The following ACAP2 variants were observed in gnomAD, a reference collection of about 807,000 sequenced individuals.
ACAP2 encodes the protein ArfGAP with coiled-coil, ankyrin repeat and PH domains 2.
ACAP2 carries 39 observed loss-of-function variants against 115.8 expected under a neutral mutation model. That is an observed-to-expected ratio of 0.34 (90% CI 0.26 to 0.44). The LOEUF (loss-of-function observed/expected upper bound fraction) is 0.44. ACAP2 is among the 20% of genes least tolerant of loss of function. The pLI is 1.00. For synonymous variants in ACAP2, 289 were observed against 315.8 expected (o/e 0.92, Z 0.90); for missense variants, 662 against 927.6 (o/e 0.71, Z 3.72).
At chr3:195,427,119 A>G (rs977300596) in intron 1 of ACAP2, among the ~76,000 whole-genome samples, 15 of 152,238 alleles carry the variant, frequency 9.9e-5, no homozygotes, top group African/African-American at 3.6e-4. Context: ...AAGAGGGAGT[A>G]TCACAACCAC....
chr3:195,389,199 C>G (rs1207624172), intron 2 of ACAP2, among the ~76,000 whole-genome samples: 1 of 151,994 alleles, frequency 6.6e-6, no homozygotes, highest in Non-Finnish European at 1.5e-5. Context: ...GCTTATAGTT[C>G]TTAGCACTCA....
chr3:195,398,068 C>T (rs780574718), intron 1 of ACAP2, among the ~76,000 whole-genome samples: 7 of 152,192 alleles, frequency 4.6e-5, no homozygotes, highest in Non-Finnish European at 1.0e-4. Context: ...AAAGATCACA[C>T]GTCAAATACA....
chr3:195,353,950 T>C (rs1272232125), intron 4 of ACAP2, among the ~76,000 whole-genome samples: 1 of 152,208 alleles, frequency 6.6e-6, no homozygotes, highest in Non-Finnish European at 1.5e-5. Context: ...GTATTACACC[T>C]ACTATCCATT....
chr3:195,430,741 GA>G, intron 1 of ACAP2, among the ~76,000 whole-genome samples: 1 of 152,004 alleles, frequency 6.6e-6, no homozygotes, highest in East Asian at 1.9e-4. Context: ...ATCATATGGG[GA>G]AACAAGGGGC....
At chr3:195,327,741 C>T (rs1350472661) in intron 8 of ACAP2, among the ~76,000 whole-genome samples, 1 of 151,970 alleles carries the variant, frequency 6.6e-6, no homozygotes, top group Non-Finnish European at 1.5e-5. Context: ...AACAGCCTGG[C>T]CAACATAGAG....
At chr3:195,404,324 T>C (rs956376882) in intron 1 of ACAP2, among the ~76,000 whole-genome samples, 3 of 152,220 alleles carry the variant, frequency 2.0e-5, no homozygotes, top group African/African-American at 7.2e-5. Flanking sequence ...CAAATTAAAA[T>C]GGCTGAAAAC....
In ACAP2 at chr3:195,342,472, T is replaced by G; in HGVS notation, c.527A>C (p.Gln176Pro). ...FRHIALDYVLQINVLQSKRRS... is the reference protein window; with the variant it reads ...FRHIALDYVLPINVLQSKRRS... ...CATACACAGTAAGAAACTATATACCTGAAGCACATAATCGAGGGCTATGTG... is the reference window on the plus strand; with the variant it reads ...CATACACAGTAAGAAACTATATACCGGAAGCACATAATCGAGGGCTATGTG... Residue 176 changes from glutamine (Q) to proline (P), a missense_variant and splice_region_variant, in exon 6 of 23, where the codon CAG (glutamine) becomes CCG (proline). By Grantham distance (76) the Gln-to-Pro change is moderately conservative. Coordinates refer to ENST00000326793, the MANE Select transcript of ACAP2 (RefSeq NM_012287.6). 6.3e-7 allele frequency: 1 copy of G among 1,598,298 alleles called. No homozygotes were observed. Among genetic ancestry groups the G allele is most frequent in the Non-Finnish European group, 8.5e-7 (1 of 1,175,864 alleles).
Position 195,297,200 on chromosome 3 carries a change from G to C in ACAP2, c.1477C>G (p.Pro493Ala). Reference protein sequence around the residue: ...VEKMGIKKPQPGQRQEKEAYI... With the variant: ...VEKMGIKKPQAGQRQEKEAYI... ...CAACTGAAATAGTACCTTTGTCCTG[G>C]TTGGGGTTTCTTTATTCCCATTTTT... The change falls in exon 16 of 23, where the codon CCA (proline) becomes GCA (alanine). Residue 493 changes from proline to alanine, a missense_variant. Physicochemically the swap from Pro to Ala is conservative, Grantham distance 27. Coordinates refer to ENST00000326793, the MANE Select transcript of ACAP2 (RefSeq NM_012287.6). 1.2e-6 allele frequency: 2 copies of C among 1,612,586 alleles called. No homozygotes were observed. Among genetic ancestry groups the C allele is most frequent in the Non-Finnish European group, 1.7e-6 (2 of 1,179,358 alleles).
chr3:195,305,348 C>T (rs1453790575), intron 13 of ACAP2, among the ~76,000 whole-genome samples: 2 of 152,084 alleles, frequency 1.3e-5, no homozygotes, highest in East Asian at 1.9e-4. Flanking sequence ...GCTTCAACAT[C>T]AACACTGGAA....
At chr3:195,438,775 T>A (rs1410244063) in intron 1 of ACAP2, among the ~76,000 whole-genome samples, 7 of 152,148 alleles carry the variant, frequency 4.6e-5, no homozygotes, top group Admixed American at 3.9e-4. Context: ...AAGAATCGTA[T>A]CTAGCCGGGC....
In ACAP2 at chr3:195,292,353, A is replaced by G; in HGVS notation, c.1865T>C (p.Met622Thr). ...TGCACCATGAGCCAAAGCCTCAGCC[A>G]TTTTAGGAAGGTTTTTTTCATATGA... ...RASYEKNLPK[M>T]AEALAHGADV... Residue 622 changes from methionine (M) to threonine (T), a missense_variant, in exon 19 of 23, where the codon ATG becomes ACG. Physicochemically the swap from Met to Thr is moderately conservative, Grantham distance 81 (BLOSUM62 -1). Around this residue, in one of 3 missense-constraint regions of ACAP2, gnomAD observed 128 missense variants for 200.2 expected, o/e 0.64. Coordinates refer to ENST00000326793, the MANE Select transcript of ACAP2 (RefSeq NM_012287.6). 2 of 1,612,618 alleles carry G rather than the reference A, an allele frequency of 1.2e-6. No homozygotes were observed. The highest frequency in any genetic ancestry group is 1.7e-6 in the Non-Finnish European group (2 of 1,179,416).
intron 4 of ACAP2, among the ~76,000 whole-genome samples, chr3:195,353,929 T>A (rs1731782454): frequency 1.3e-5 from 2 of 152,170 alleles, no homozygotes; most frequent in Admixed American, 1.3e-4. Flanking sequence ...ACAGATTATT[T>A]CATCACCCAG....
In ACAP2 at chr3:195,291,780, A is replaced by G. The variant is rs751661854; in HGVS notation, c.1989T>C (p.Asn663=). The G allele has an allele frequency of 1.1e-4, 175 of 1,613,726 alleles. No homozygotes were observed. Among genetic ancestry groups the G allele is most frequent in the Non-Finnish European group, 1.4e-4 (165 of 1,179,890 alleles). ...SLVTCEFLLQ[N]GANVNQRDVQ... ...CATCTCTTTGGTTGACATTAGCACC[A>G]TTCTGTAGGAGGAACTCACACGTCA... Residue 663 remains asparagine (N), a synonymous_variant, in exon 20 of 23, where the codon AAT becomes AAC. Coordinates refer to ENST00000326793, the MANE Select transcript of ACAP2 (RefSeq NM_012287.6).
chr3:195,351,489 G>A (rs931489012), intron 4 of ACAP2, among the ~76,000 whole-genome samples: 1 of 121,468 alleles, frequency 8.2e-6, no homozygotes, highest in Middle Eastern at 6.0e-3. Flanking sequence ...TGTGTGTGAC[G>A]GAGTCTTGCT....
At chr3:195,332,984 T>C (rs375840508) in intron 8 of ACAP2, 44 bp downstream of exon 8, 144 of 1,410,946 alleles carry the variant, frequency 1.0e-4, no homozygotes, top group Non-Finnish European at 8.8e-5. Context: ...AAAATACAAA[T>C]ACCAATGTAT....
chr3:195,301,992 C>A lies in ACAP2; in HGVS notation c.1299G>T (p.Leu433Phe). The A allele has an allele frequency of 6.2e-7, 1 of 1,613,690 alleles. No homozygotes were observed. The highest frequency in any genetic ancestry group is 8.5e-7 in the Non-Finnish European group (1 of 1,180,034). The change falls in exon 14 of 23, where the codon TTG becomes TTT. Residue 433 changes from leucine (L) to phenylalanine (F), a missense_variant. Coordinates refer to ENST00000326793, the MANE Select transcript of ACAP2 (RefSeq NM_012287.6). Reference protein sequence around the residue: ...RWASINLGITLCIECSGIHRS... With the variant: ...RWASINLGITFCIECSGIHRS... ...GGTGAATTCCGGAGCACTCGATACACAAGGTGATGCCCAGGTTGATGCTGG... is the reference window on the plus strand; with the variant it reads ...GGTGAATTCCGGAGCACTCGATACAAAAGGTGATGCCCAGGTTGATGCTGG...
chr3:195,401,547 A>G (rs1434992572), intron 1 of ACAP2, among the ~76,000 whole-genome samples: 1 of 152,158 alleles, frequency 6.6e-6, no homozygotes, highest in Non-Finnish European at 1.5e-5. Context: ...CACGCCTGCA[A>G]TCCCAGCTAC....
At chr3:195,328,529 G>C (rs1191754341) in intron 8 of ACAP2, among the ~76,000 whole-genome samples, 2 of 152,160 alleles carry the variant, frequency 1.3e-5, no homozygotes, top group Non-Finnish European at 2.9e-5. Flanking sequence ...GTGACACGTA[G>C]CATTGATTTA....
intron 18 of ACAP2, among the ~76,000 whole-genome samples, chr3:195,293,711 A>ATG: frequency 6.6e-6 from 1 of 152,066 alleles, no homozygotes; most frequent in Admixed American, 6.6e-5. Flanking sequence ...GCATGGTGGC[A>ATG]CACACCTGTA....
Sources: gnomAD v4.1 joint callset for allele counts (sites outside exome capture counted in the v4.1 genomes callset) on GRCh38, gnomAD v4.1.1 for gene constraint, gnomAD v4.1.1 regional missense constraint, MANE v1.5 for transcripts, NCBI Gene and HGNC (gene_info 2026-07-23, HGNC 2026-07-21) for gene names.